Variants in MUCL1 observed in about 807,000 individuals in gnomAD.
MUCL1 encodes mucin like 1.
A neutral mutation model predicts 9.2 loss-of-function variants in MUCL1; 11 were observed. That is an observed-to-expected ratio of 1.19 (90% CI 0.75 to 1.97). MUCL1 has a LOEUF of 1.97. Among genes scored for constraint, MUCL1 ranks in the 30% most tolerant of loss-of-function variants. The pLI, the probability that MUCL1 is intolerant of heterozygous loss-of-function variation, is 0.00. For synonymous variants in MUCL1, 48 were observed against 40.5 expected, an observed-to-expected ratio of 1.19 and a Z score of -0.71; for missense variants, 144 against 110.9, an observed-to-expected ratio of 1.30 and a Z score of -1.34.
chr12:54,843,381 A>T (rs1481096737), intron 1 of MUCL1, among the ~76,000 whole-genome samples: 1 of 152,240 alleles, frequency 6.6e-6, no homozygotes, highest in Non-Finnish European at 1.5e-5. Context: ...TATGATTTTT[A>T]AAAATTCTGT....
upstream of MUCL1, among the ~76,000 whole-genome samples, chr12:54,849,866 A>C (rs1178198066): frequency 6.6e-6 from 1 of 152,162 alleles, no homozygotes. Flanking sequence ...TCAAAATCCA[A>C]TAACTTCAGA....
chr12:54,851,499 G>A (rs568713818), upstream of MUCL1, among the ~76,000 whole-genome samples: 5 of 152,196 alleles, frequency 3.3e-5, no homozygotes, highest in Admixed American at 1.3e-4. Flanking sequence ...GGTATTGATG[G>A]GACGTATCTC....
chr12:54,854,218 T>A (rs767964095), upstream of MUCL1, among the ~76,000 whole-genome samples: 1 of 152,178 alleles, frequency 6.6e-6, no homozygotes, highest in African/African-American at 2.4e-5. Flanking sequence ...TTATGGGGCA[T>A]CTCCAACCTG....
At chr12:54,850,934 G>A (rs542049471), upstream of MUCL1, among the ~76,000 whole-genome samples, 27 of 152,190 alleles carry the variant, frequency 1.8e-4, no homozygotes, top group South Asian at 6.2e-4. Context: ...TTTTTCATGC[G>A]TTTTTTGGCT....
chr12:54,839,799 C>A (rs186253942), intron 1 of MUCL1, among the ~76,000 whole-genome samples: 2 of 152,170 alleles, frequency 1.3e-5, no homozygotes, highest in Non-Finnish European at 2.9e-5. Flanking sequence ...TGCACCCATG[C>A]TCATCTCCCA....
At chr12:54,854,740 T>G in intron 1 of MUCL1, 100 bp downstream of exon 1, 1 of 1,026,702 alleles carries the variant, frequency 9.7e-7, no homozygotes, top group Non-Finnish European at 1.5e-6. Flanking sequence ...TGTGCTTTTT[T>G]ACCTCTCCTA....
intron 1 of MUCL1, among the ~76,000 whole-genome samples, chr12:54,843,881 G>A (rs1052136601): frequency 3.3e-5 from 5 of 152,064 alleles, no homozygotes; most frequent in Non-Finnish European, 7.4e-5. Flanking sequence ...CTAAGTTGGT[G>A]GTAATTTGTT....
intron 1 of MUCL1, among the ~76,000 whole-genome samples, chr12:54,831,553 A>C (rs1447797375): frequency 6.6e-6 from 1 of 152,132 alleles, no homozygotes; most frequent in Non-Finnish European, 1.5e-5. Context: ...TGTTACAATA[A>C]GTCTACCTGA....
chr12:54,845,748 T>C (rs1959245133), intron 1 of MUCL1, among the ~76,000 whole-genome samples: 1 of 152,188 alleles, frequency 6.6e-6, no homozygotes, highest in South Asian at 2.1e-4. Flanking sequence ...TCTGCTGTTA[T>C]AATTTCTGTA....
intron 1 of MUCL1, among the ~76,000 whole-genome samples, chr12:54,843,456 C>T (rs1278318039): frequency 6.6e-6 from 1 of 152,106 alleles, no homozygotes; most frequent in East Asian, 1.9e-4. Flanking sequence ...CATTTTAATG[C>T]CTGAAACCTG....
At chr12:54,832,986 A>G (rs929132216) in intron 1 of MUCL1, among the ~76,000 whole-genome samples, 1 of 152,090 alleles carries the variant, frequency 6.6e-6, no homozygotes, top group African/African-American at 2.4e-5. Context: ...TTATCATCAG[A>G]TCTTTAACCT....
upstream of MUCL1, among the ~76,000 whole-genome samples, chr12:54,835,025 T>A (rs1959190596): frequency 6.6e-6 from 1 of 152,160 alleles, no homozygotes; most frequent in African/African-American, 2.4e-5. Context: ...CTGAGTTACT[T>A]CACTTAGAAT....
At chr12:54,844,660 C>G (rs1959233483) in intron 1 of MUCL1, among the ~76,000 whole-genome samples, 1 of 152,140 alleles carries the variant, frequency 6.6e-6, no homozygotes, top group Non-Finnish European at 1.5e-5. Flanking sequence ...CCAATTTCTC[C>G]CAGCCGTTAA....
chr12:54,841,248 C>T (rs937079487), intron 1 of MUCL1, among the ~76,000 whole-genome samples: 13 of 152,284 alleles, frequency 8.5e-5, no homozygotes, highest in African/African-American at 2.4e-4. Flanking sequence ...CATTTATTAA[C>T]CGACACTTAG....
intron 1 of MUCL1, chr12:54,831,012 T>C (rs1187191672): frequency 2.0e-5 from 3 of 152,152 alleles, no homozygotes; most frequent in African/African-American, 7.2e-5. Flanking sequence ...ATTTGTCCTA[T>C]TTGCCAGAAA....
rs775276102 is a variant in MUCL1, at chr12:54,856,780, T to A, written c.111T>A (p.Ala37=). The part of the protein sequence containing the change: ...PADTYPATGP[A]DDEAPDAETT... ...TCCTTCTAATTTCAGCTGGTCCTGC[T>A]GATGATGAAGCCCCTGATGCTGAAA... The change falls in exon 3 of 4, where the codon GCT becomes GCA. Residue 37 remains alanine (A), a synonymous_variant. Coordinates refer to ENST00000308796, the MANE Select transcript of MUCL1 (RefSeq NM_058173.3). The A allele has an allele frequency of 6.2e-7, 1 of 1,612,394 alleles. No individual in the cohort carries two copies. Among genetic ancestry groups the A allele is most frequent in the South Asian group, 1.1e-5 (1 of 91,012 alleles).
chr12:54,839,326 G>T (rs1008958566), upstream of MUCL1: 5 of 699,108 alleles, frequency 7.2e-6, no homozygotes, highest in East Asian at 8.1e-5. Context: ...ATTCTCCAGT[G>T]GCACACACTT....
rs533144605 is a variant in MUCL1 at position 54,856,843 on chromosome 12, T to A, written c.174T>A (p.Pro58=). 1.9e-6 allele frequency: 3 copies of A among 1,612,244 alleles called. No homozygotes were observed. Among genetic ancestry groups the A allele is most frequent in the South Asian group, 2.2e-5 (2 of 91,004 alleles). Residue 58 remains proline (P), a synonymous_variant, in exon 3 of 4, where the codon CCT becomes CCA. Transcript: ENST00000308796. ...CAACCACTGCAACCACTGCTGCTCC[T>A]ACCACTGCAACCACCGCTGCTTCTA... The part of the protein sequence containing the change: ...AAATTATTAA[P]TTATTAASTT...
At chr12:54,838,088 T>G (rs945635734), upstream of MUCL1, among the ~76,000 whole-genome samples, 18 of 152,236 alleles carry the variant, frequency 1.2e-4, no homozygotes, top group Non-Finnish European at 2.4e-4. Context: ...GTTTCAGGAT[T>G]GGGAACTCCT....
Sources: gnomAD v4.1 joint callset for allele counts (sites outside exome capture counted in the v4.1 genomes callset) on GRCh38, gnomAD v4.1.1 for gene constraint, MANE v1.5 for transcripts, NCBI Gene and HGNC (gene_info 2026-07-23, HGNC 2026-07-21) for gene names.